The following IGFN1 variants were observed in gnomAD, a reference collection of about 807,000 sequenced individuals.
IGFN1 encodes the protein immunoglobulin like and fibronectin type III domain containing 1.
A neutral mutation model predicts 289.5 loss-of-function variants in IGFN1; 253 were observed. The observed-to-expected ratio is 0.87, with a 90% CI of 0.79 to 0.97. The LOEUF is 0.97. Among genes scored for constraint, IGFN1 ranks in the 50% least tolerant of loss-of-function variants. The pLI is 0.00. For synonymous variants in IGFN1, 1,706 were observed against 1,788.5 expected, an observed-to-expected ratio of 0.95 and a Z score of 1.16; for missense variants, 4,470 against 4,686.1, an observed-to-expected ratio of 0.95 and a Z score of 1.35.
chr1:201,201,984 C>T (rs532652561), intron 9 of IGFN1, among the ~76,000 whole-genome samples, 152 bp downstream of exon 9: 6 of 152,122 alleles, frequency 3.9e-5, no homozygotes, highest in African/African-American at 1.4e-4. Flanking sequence ...CTGGCTGGAC[C>T]TGGACCAAAC....
intron 1 of IGFN1, among the ~76,000 whole-genome samples, chr1:201,192,046 G>C (rs568635308): frequency 1.3e-5 from 2 of 152,196 alleles, no homozygotes; most frequent in African/African-American, 4.8e-5. Flanking sequence ...GTCCTCATCC[G>C]TTGGTGGCTG....
intron 10 of IGFN1, among the ~76,000 whole-genome samples, chr1:201,204,765 G>C (rs1667322437): frequency 6.6e-6 from 1 of 152,206 alleles, no homozygotes; most frequent in African/African-American, 2.4e-5. Flanking sequence ...ATGGTCACAA[G>C]GATGAATAAG....
In IGFN1 at chr1:201,225,856, C is replaced by T. The variant is rs777475956; in HGVS notation, c.10519C>T (p.Gln3507Ter). Residue 3507 changes from glutamine (Q) to a stop codon, truncating the protein, a stop_gained, in exon 22 of 24, where the codon CAG (glutamine) becomes TAG (stop). Coordinates refer to ENST00000335211, the MANE Select transcript of IGFN1 (RefSeq NM_001164586.2). LOFTEE classifies it high-confidence loss of function. ...GCAGGCCCCTGGGCCCATCCACCTG[C>T]AGGAGAACGTGCCTGGGACGGTGAC... ...CPQAPGPIHL[Q>*]ENVPGTVTAE... The T allele has an allele frequency of 5.0e-6, 8 of 1,613,058 alleles. No homozygotes were observed. The highest frequency in any genetic ancestry group is 5.1e-6 in the Non-Finnish European group (6 of 1,179,822).
chr1:201,218,607 CCCGGAGAGCCTGGA>C lies in IGFN1; in HGVS notation c.9850_9863del (p.Gly3284SerfsTer44). 6.2e-7 allele frequency: 1 copy of C among 1,612,400 alleles called. No homozygotes were observed. On this transcript the variant is annotated frameshift_variant, in exon 18 of 24. Transcript: ENST00000335211. LOFTEE classifies it high-confidence loss of function. Reference sequence around the variant, plus strand: ...GGTCACAGCTGTGGCTCCCTCAGGTCCCGGAGAGCCTGGACCTCCATCGGATGCTGTCTTTGCTC... The same window carrying C: ...GGTCACAGCTGTGGCTCCCTCAGGTCCCTCCATCGGATGCTGTCTTTGCTC...
chr1:201,206,292 A>T lies in IGFN1; in HGVS notation c.1399A>T (p.Arg467Ter), dbSNP rs1335890869. Residue 467 changes from arginine to a stop codon, truncating the protein, a stop_gained, in exon 12 of 24, where the codon AGA (arginine) becomes TGA (stop). Transcript: ENST00000335211. LOFTEE classifies it high-confidence loss of function. The stretch of plus-strand genomic sequence containing the variant: ...CAGCCCAGACAGGGATGGCCTTGGC[A>T]GACATGGCTACTCCTTGATGGGGGA... ...IASPDRDGLG[R>*]HGYSLMGDKG... is the part of the protein sequence containing the mutation. 1 of 1,549,794 alleles carries T rather than the reference A, an allele frequency of 6.5e-7. No homozygotes were observed. Among genetic ancestry groups the T allele is most frequent in the Admixed American group, 2.0e-5 (1 of 50,968 alleles).
Position 201,206,776 on chromosome 1 carries a change from A to G in IGFN1, c.1883A>G (p.Glu628Gly). 6.5e-7 allele frequency: 1 copy of G among 1,536,800 alleles called. No individual in the cohort carries two copies. Residue 628 changes from glutamate to glycine, a missense_variant, in exon 12 of 24, where the codon GAG (glutamate) becomes GGG (glycine). Glu to Gly is a moderately conservative substitution (Grantham distance 98, BLOSUM62 -2). Transcript: ENST00000335211. ...VGSWPRGKQI[E>G]ISQDDSLAEM... ...TCCTGGCCAAGAGGAAAGCAGATAGAGATTTCACAGGATGACAGCCTGGCT... is the reference window on the plus strand; with the variant it reads ...TCCTGGCCAAGAGGAAAGCAGATAGGGATTTCACAGGATGACAGCCTGGCT...
Position 201,213,119 on chromosome 1 carries a change from T to C in IGFN1, c.8226T>C (p.Asp2742=). The C allele has an allele frequency of 1.9e-6, 3 of 1,551,616 alleles. No homozygotes were observed. Among genetic ancestry groups the C allele is most frequent in the South Asian group, 2.4e-5 (2 of 84,060 alleles). The change falls in exon 12 of 24, where the codon GAT becomes GAC. Residue 2742 remains aspartate, a synonymous_variant. Transcript: ENST00000335211. ...SGPQGAWNGL[D]GPFGRKASRD... Reference sequence around the variant, plus strand: ...CTCAGGGAGCCTGGAATGGCTTAGATGGTCCCTTTGGCAGAAAAGCCTCTA... The same window carrying C: ...CTCAGGGAGCCTGGAATGGCTTAGACGGTCCCTTTGGCAGAAAAGCCTCTA...
At position 201,211,475 on chromosome 1, in the gene IGFN1, A is replaced by G. The variant is rs755020343; in HGVS notation, c.6582A>G (p.Ala2194=). Residue 2194 remains alanine (A), a synonymous_variant, in exon 12 of 24, where the codon GCA becomes GCG. Coordinates refer to ENST00000335211, the MANE Select transcript of IGFN1 (RefSeq NM_001164586.2). ...AGGGAATGGGTTCAGGGAGTAAGGC[A>G]GGTTTCAGGGATGGTTTAGGGGGTT... ...APEGMGSGSK[A]GFRDGLGGSE... is the part of the protein sequence containing the mutation. 3.5e-5 allele frequency: 52 copies of G among 1,499,776 alleles called. No homozygotes were observed. Among genetic ancestry groups the G allele is most frequent in the South Asian group, 2.7e-4 (22 of 80,310 alleles). 92.9% of individuals were successfully genotyped at this position (1,499,776 alleles called of 1,614,324 possible).
chr1:201,211,104 A>G lies in IGFN1; in HGVS notation c.6211A>G (p.Arg2071Gly), dbSNP rs955329310. 70 of 1,507,040 alleles carry G rather than the reference A, an allele frequency of 4.6e-5. No homozygotes were observed. Among genetic ancestry groups the G allele is most frequent in the Non-Finnish European group, 6.2e-6 (7 of 1,129,028 alleles). The allele number at this position is 1,507,040 out of a possible 1,614,324, so 93.4% of individuals were successfully genotyped here. ...GGGGTCAGTGAATGAGGCAGGTTAT[A>G]GGAAGGATTTAGGGGCTCCTAAGGG... Reference protein sequence around the residue: ...EMGSVNEAGYRKDLGAPKGMG... With the variant: ...EMGSVNEAGYGKDLGAPKGMG... The change falls in exon 12 of 24, where the codon AGG (arginine) becomes GGG (glycine). Residue 2071 changes from arginine to glycine, a missense_variant. By Grantham distance (125) the Arg-to-Gly change is moderately radical. Coordinates refer to ENST00000335211, the MANE Select transcript of IGFN1 (RefSeq NM_001164586.2).
chr1:201,201,791 C>G lies in IGFN1; in HGVS notation c.706C>G (p.Leu236Val), dbSNP rs1430731214. ...KDGNAKFDLE[L>V]DLKDSQSKIY... ...TGGGAATGCAAAGTTTGACTTGGAGCTGGATCTCAAGGATTCTCAGAGCAA... is the reference window on the plus strand; with the variant it reads ...TGGGAATGCAAAGTTTGACTTGGAGGTGGATCTCAAGGATTCTCAGAGCAA... Residue 236 changes from leucine to valine, a missense_variant, in exon 9 of 24, where the codon CTG (leucine) becomes GTG (valine). Leu to Val is a conservative substitution (Grantham distance 32). Around this residue, in one of 8 missense-constraint regions of IGFN1, gnomAD observed 2,011 missense variants for 1,953.4 expected, o/e 1.03. Transcript: ENST00000335211. The G allele has an allele frequency of 5.2e-6, 8 of 1,547,322 alleles. No individual in the cohort carries two copies. In the East Asian group the frequency reaches 2.0e-4, roughly 38 times the overall value.
intron 1 of IGFN1, among the ~76,000 whole-genome samples, chr1:201,191,890 GACTCAGATAGCTGTGTTGA>G (rs1355746448): frequency 6.6e-6 from 1 of 151,734 alleles, no homozygotes; most frequent in East Asian, 2.0e-4. Context: ...TGGGGATGAT[GACTCAGATAGCTGTGTTGA>G]ACTCAAACTA....
intron 13 of IGFN1, among the ~76,000 whole-genome samples, 181 bp downstream of exon 13, chr1:201,214,482 T>C (rs1275587879): frequency 1.3e-5 from 2 of 152,216 alleles, no homozygotes; most frequent in Non-Finnish European, 2.9e-5. Flanking sequence ...ATTGGATTTT[T>C]AAATGATGTG....
In IGFN1 at chr1:201,210,733, G is replaced by A; in HGVS notation, c.5840G>A (p.Gly1947Asp). The change falls in exon 12 of 24, where the codon GGT becomes GAT. Residue 1947 changes from glycine to aspartate, a missense_variant. Physicochemically the swap from Gly to Asp is moderately conservative, Grantham distance 94. Coordinates refer to ENST00000335211, the MANE Select transcript of IGFN1 (RefSeq NM_001164586.2). ...GSGSKEGFRD[G>D]LGGSEEMGSV... ...GGGAGTAAGGAAGGTTTCAGGGATG[G>A]TTTAGGGGGTTCTGAAGAAATGGGG... 2 of 1,530,926 alleles carry A rather than the reference G, an allele frequency of 1.3e-6. No homozygotes were observed. The highest frequency in any genetic ancestry group is 1.7e-6 in the Non-Finnish European group (2 of 1,144,694). The allele number at this position is 1,530,926 out of a possible 1,614,324, so 94.8% of individuals were successfully genotyped here. A position where few individuals can be genotyped will look rare whatever the true frequency, so the allele number is the denominator to read the frequency against.
Position 201,211,593 on chromosome 1 carries a change from G to C in IGFN1, c.6700G>C (p.Asp2234His). ...TTCAGGGAGTAAGGCAGGTTTCAGG[G>C]ATGGTTTAGGGAGTTCTGGGGAAAT... ...MGSGSKAGFR[D>H]GLGSSGEMGS... Residue 2234 changes from aspartate to histidine, a missense_variant, in exon 12 of 24, where the codon GAT (aspartate) becomes CAT (histidine). This residue lies in a region of IGFN1 where 2,218 missense variants were observed against 2,114.1 expected (regional missense o/e 1.05). Transcript: ENST00000335211. The C allele has an allele frequency of 1.3e-6, 2 of 1,535,572 alleles. No individual in the cohort carries two copies. The highest frequency in any genetic ancestry group is 1.7e-6 in the Non-Finnish European group (2 of 1,146,270).
rs150688391 is a variant in IGFN1 at position 201,216,623 on chromosome 1, C to T, written c.9465C>T (p.Pro3155=). The T allele has an allele frequency of 3.5e-4, 560 of 1,613,896 alleles. 8 individuals carry two copies. The African/African-American group carries it at 6.2e-3, about 18-fold the overall frequency. The part of the protein sequence containing the change: ...RSTWLKVGEA[P]ADSTTFTDAH... Reference sequence around the variant, plus strand: ...CTTGGCTGAAGGTGGGCGAGGCCCCCGCTGACAGCACCACCTTCACGGATG... The same window carrying T: ...CTTGGCTGAAGGTGGGCGAGGCCCCTGCTGACAGCACCACCTTCACGGATG... The change falls in exon 16 of 24, where the codon CCC becomes CCT. Residue 3155 remains proline, a synonymous_variant. Transcript: ENST00000335211.
At chr1:201,225,678 G>A (rs767779404) in intron 21 of IGFN1, 146 bp from the exon 22 acceptor site, 149 of 627,376 alleles carry the variant, frequency 2.4e-4, no homozygotes, top group Non-Finnish European at 2.3e-4. Context: ...ACTGTGGACC[G>A]CTGGCCAAGC....
Position 201,208,699 on chromosome 1 carries a change from G to A in IGFN1, c.3806G>A (p.Gly1269Asp), listed in dbSNP as rs766349421. ...GGAATGGGATCAGCAGATGGGCCAG[G>A]TTGTAGGAAGGGTATTGGGAGTTCT... ...LQGMGSADGP[G>D]CRKGIGSSGE... Residue 1269 changes from glycine (G) to aspartate (D), a missense_variant, in exon 12 of 24, where the codon GGT (glycine) becomes GAT (aspartate). Around this residue, in one of 8 missense-constraint regions of IGFN1, gnomAD observed 2,011 missense variants for 1,953.4 expected, o/e 1.03. Coordinates refer to ENST00000335211, the MANE Select transcript of IGFN1 (RefSeq NM_001164586.2). 1.3e-5 allele frequency: 20 copies of A among 1,537,098 alleles called. No homozygotes were observed. The South Asian group carries it at 2.3e-4, about 17-fold the overall frequency.
At chr1:201,227,854 A>T (rs1476302574) in intron 23 of IGFN1, among the ~76,000 whole-genome samples, 1 of 152,202 alleles carries the variant, frequency 6.6e-6, no homozygotes, top group Non-Finnish European at 1.5e-5. Flanking sequence ...AGAGATGAAC[A>T]GGCATCCGTA....
At chr1:201,220,849 G>A (rs1403010266) in intron 18 of IGFN1, among the ~76,000 whole-genome samples, 2 of 152,308 alleles carry the variant, frequency 1.3e-5, no homozygotes, top group East Asian at 3.8e-4. Flanking sequence ...GAATCTCTGG[G>A]GTGGCATCTA....
Sources: gnomAD v4.1 joint callset for allele counts (sites outside exome capture counted in the v4.1 genomes callset) on GRCh38, gnomAD v4.1.1 for gene constraint, gnomAD v4.1.1 regional missense constraint, MANE v1.5 for transcripts, NCBI Gene and HGNC (gene_info 2026-07-23, HGNC 2026-07-21) for gene names.